Variants in GABRG1 observed in about 807,000 individuals in gnomAD.
GABRG1 encodes the protein gamma-aminobutyric acid type A receptor subunit gamma1.
In GABRG1, 49 loss-of-function variants were observed where a neutral mutation model predicts 49.8. That is an observed-to-expected ratio of 0.98 (90% CI 0.78 to 1.25). GABRG1 has a LOEUF of 1.25. Ranked by LOEUF, GABRG1 falls within the 50% of genes most tolerant of loss-of-function variation. GABRG1 has a pLI of 0.00. For synonymous variants in GABRG1, 232 were observed against 185.1 expected (o/e 1.25, Z -2.06); for missense variants, 552 against 552.3 (o/e 1.00, Z 0.01).
rs73146809 is a variant in GABRG1, at chr4:46,110,975, C to T, written c.104+12835G>A. Among the ~76,000 whole-genome samples the T allele has an allele frequency of 6.6e-5, 10 of 151,136 alleles. No homozygotes were observed. The East Asian group carries it at 7.8e-4, about 12-fold the overall frequency. ...GGCCACTCCTACCACTCCTATTCAA[C>T]GTAAGACTAGAAATGCTAGCCAGAG... On this transcript the variant is annotated intron_variant, in intron 1 of 8. Coordinates refer to ENST00000295452, the MANE Select transcript of GABRG1 (RefSeq NM_173536.4).
intron 3 of GABRG1, among the ~76,000 whole-genome samples, chr4:46,073,637 A>G (rs552800822): frequency 6.6e-6 from 1 of 152,116 alleles, no homozygotes; most frequent in East Asian, 1.9e-4. Context: ...TATACAAAAG[A>G]TCCCCTTTAT....
intron 1 of GABRG1, among the ~76,000 whole-genome samples, chr4:46,117,999 T>G (rs1294167253): frequency 1.8e-5 from 2 of 112,582 alleles, no homozygotes; most frequent in Non-Finnish European, 3.4e-5. Context: ...TATATACATA[T>G]ATACATATGT....
chr4:46,093,057 G>A (rs7672330), intron 2 of GABRG1, among the ~76,000 whole-genome samples: 72,383 of 142,294 alleles, frequency 0.51, 18,357 homozygotes, highest in African/African-American at 0.54. Context: ...CAACAACAGC[G>A]AAACTCCATC....
chr4:46,056,150 TTAAAA>T (rs1718428887), intron 7 of GABRG1, among the ~76,000 whole-genome samples: 3 of 46,068 alleles, frequency 6.5e-5, no homozygotes, highest in African/African-American at 1.3e-4. Flanking sequence ...AATAAATAAA[TTAAAA>T]AAAAAAAAAA....
intron 1 of GABRG1, among the ~76,000 whole-genome samples, chr4:46,121,897 T>G (rs1158244110): frequency 6.6e-6 from 1 of 152,088 alleles, no homozygotes; most frequent in Non-Finnish European, 1.5e-5. Context: ...TACATATGGT[T>G]AAAAAGTCCA....
chr4:46,104,929 AC>A (rs1237229221), intron 1 of GABRG1, among the ~76,000 whole-genome samples: 1 of 151,430 alleles, frequency 6.6e-6, no homozygotes, highest in Non-Finnish European at 1.5e-5. Context: ...TCCTCATCAA[AC>A]TTTTAAGGTT....
intron 1 of GABRG1, among the ~76,000 whole-genome samples, chr4:46,105,955 A>G (rs1167890128): frequency 6.6e-6 from 1 of 151,376 alleles, no homozygotes; most frequent in Non-Finnish European, 1.5e-5. Flanking sequence ...GGCTAGAATT[A>G]TTTTCTTCTC....
At position 46,082,881 on chromosome 4, in the gene GABRG1, G is replaced by A. The variant is rs545781280; in HGVS notation, c.321+1105C>T. 5.4e-4 allele frequency among the ~76,000 whole-genome samples: 82 copies of A among 151,670 alleles called. 1 individual carries two copies. Among genetic ancestry groups the A allele is most frequent in the Middle Eastern group, 6.8e-3 (2 of 294 alleles). Reference sequence around the variant, plus strand: ...TACACCATCTGGTCCTCAGATCTGTGATCTTCTTAATCTGAATCTTCTCTT... The same window carrying A: ...TACACCATCTGGTCCTCAGATCTGTAATCTTCTTAATCTGAATCTTCTCTT... On this transcript the variant is annotated intron_variant, in intron 3 of 8. Coordinates refer to ENST00000295452, the MANE Select transcript of GABRG1 (RefSeq NM_173536.4).
chr4:46,066,129 T>G (rs1461990759), intron 3 of GABRG1, among the ~76,000 whole-genome samples: 1 of 152,168 alleles, frequency 6.6e-6, no homozygotes, highest in Non-Finnish European at 1.5e-5. Context: ...TGTGTGAATT[T>G]TACTCAAGAT....
At chr4:46,056,306 C>G (rs1004606232) in intron 7 of GABRG1, among the ~76,000 whole-genome samples, 2 of 151,936 alleles carry the variant, frequency 1.3e-5, no homozygotes, top group Admixed American at 1.3e-4. Context: ...GCTCCAACCA[C>G]ATTTGTCATT....
chr4:46,098,447 A>G (rs1407469819), intron 1 of GABRG1, among the ~76,000 whole-genome samples: 3 of 151,756 alleles, frequency 2.0e-5, no homozygotes, highest in Non-Finnish European at 2.9e-5. Flanking sequence ...CATATATTTC[A>G]AAGATGTGTT....
At position 46,038,415 on chromosome 4, in the gene GABRG1, C is replaced by T. The variant is rs988503080; in HGVS notation, c.*2573G>A. ...TTTACAAATGATCTTATTCCTTGTG[C>T]TCCAGGTATCCTTCCCAATTCTTTA... is the stretch of plus-strand genomic sequence containing the variant. On this transcript the variant is annotated 3_prime_UTR_variant, in exon 9 of 9. Coordinates refer to ENST00000295452, the MANE Select transcript of GABRG1 (RefSeq NM_173536.4). 1 of 151,600 alleles carries T rather than the reference C, an allele frequency of 6.6e-6. No homozygotes were observed. Among genetic ancestry groups the T allele is most frequent in the Non-Finnish European group, 1.5e-5 (1 of 67,666 alleles). The allele number at this position is 151,600 out of a possible 1,614,324, so 9.4% of individuals were successfully genotyped here.
At chr4:46,068,416 T>C (rs1358527128) in intron 3 of GABRG1, among the ~76,000 whole-genome samples, 5 of 152,114 alleles carry the variant, frequency 3.3e-5, no homozygotes, top group Non-Finnish European at 7.4e-5. Context: ...CCAAAGCAGC[T>C]GTCAATACTG....
intron 1 of GABRG1, among the ~76,000 whole-genome samples, chr4:46,118,020 A>G (rs185235061): frequency 7.1e-5 from 8 of 112,674 alleles, no homozygotes; most frequent in African/African-American, 5.0e-5. Context: ...ATACATGTGT[A>G]TCTATATACA....
At chr4:46,046,107 T>C (rs1045309673) in intron 8 of GABRG1, among the ~76,000 whole-genome samples, 8 of 152,128 alleles carry the variant, frequency 5.3e-5, no homozygotes, top group African/African-American at 1.9e-4. Context: ...TGTACATTTA[T>C]GAATTGTTCT....
In GABRG1 at chr4:46,056,150, TTA is replaced by T. The variant is rs1491564099; in HGVS notation, c.916+2065_916+2066del. The stretch of plus-strand genomic sequence containing the variant: ...AAAAAAAAAAAAATAAATAAATAAA[TTA>T]AAAAAAAAAAAAAAAAAAAAAAAAA... On this transcript the variant is annotated intron_variant, in intron 7 of 8. Transcript: ENST00000295452. 6.4e-3 allele frequency among the ~76,000 whole-genome samples: 295 copies of T among 46,042 alleles called. 54 individuals carry two copies. The highest frequency in any genetic ancestry group is 0.042 in the Middle Eastern group (2 of 48). The allele number at this position is 46,042 out of a possible 152,430, so 30.2% of individuals were successfully genotyped here. A position where few individuals can be genotyped will look rare whatever the true frequency, so the allele number is the denominator to read the frequency against.
chr4:46,105,402 T>C (rs1280381851), intron 1 of GABRG1, among the ~76,000 whole-genome samples: 2 of 151,546 alleles, frequency 1.3e-5, no homozygotes, highest in Non-Finnish European at 3.0e-5. Flanking sequence ...ACACTACTGT[T>C]TTTTTGTAAT....
chr4:46,107,764 C>G (rs1232550429), intron 1 of GABRG1, among the ~76,000 whole-genome samples: 1 of 151,126 alleles, frequency 6.6e-6, no homozygotes, highest in Non-Finnish European at 1.5e-5. Flanking sequence ...GTTCTACAAA[C>G]TTTCCAACTG....
At chr4:46,106,083 C>T (rs562979608) in intron 1 of GABRG1, among the ~76,000 whole-genome samples, 2 of 151,578 alleles carry the variant, frequency 1.3e-5, no homozygotes, top group East Asian at 3.9e-4. Flanking sequence ...AACAGGCAGG[C>T]TGCTTAAGCA....
Sources: allele counts gnomAD v4.1 joint callset (sites outside exome capture counted in the v4.1 genomes callset), GRCh38; gene constraint gnomAD v4.1.1; transcripts MANE v1.5; gene names NCBI Gene and HGNC (gene_info 2026-07-23, HGNC 2026-07-21).